The following RFX1 variants were observed in gnomAD, a reference collection of about 807,000 sequenced individuals.
RFX1 encodes MHC class II regulatory factor RFX1.
In RFX1, 42 loss-of-function variants were observed where a neutral mutation model predicts 119.6. That is an observed-to-expected ratio of 0.35 (90% CI 0.27 to 0.45). The LOEUF is 0.45. Among genes scored for constraint, RFX1 ranks in the 20% least tolerant of loss-of-function variants. The pLI is 1.00. For missense variants in RFX1, 1,118 were observed against 1,368.1 expected, an observed-to-expected ratio of 0.82 and a Z score of 2.88; for synonymous variants, 628 against 618.5, an observed-to-expected ratio of 1.02 and a Z score of -0.23.
Position 13,993,855 on chromosome 19 carries a change from G to A in RFX1, c.-12C>T, listed in dbSNP as rs781602326. The A allele has an allele frequency of 3.3e-6, 5 of 1,530,984 alleles. No homozygotes were observed. Among genetic ancestry groups the A allele is most frequent in the Non-Finnish European group, 3.5e-6 (4 of 1,145,536 alleles). The allele number at this position is 1,530,984 out of a possible 1,614,324, so 94.8% of individuals were successfully genotyped here. On this transcript the variant is annotated 5_prime_UTR_variant, in exon 2 of 21. Transcript: ENST00000254325. ...GCCTGTGTTGCCATGCCAACGGTGGGGAAAATGATAATAAATAAGGCTTTT... is the reference window on the plus strand; with the variant it reads ...GCCTGTGTTGCCATGCCAACGGTGGAGAAAATGATAATAAATAAGGCTTTT...
rs572209891 is a variant in RFX1 at position 13,991,853 on chromosome 19, G to A, written c.319+1672C>T. 2.0e-5 allele frequency among the ~76,000 whole-genome samples: 3 copies of A among 151,952 alleles called. No individual in the cohort carries two copies. The South Asian group carries it at 6.2e-4, about 32-fold the overall frequency. ...ATTTTTATATTTTTAGTATAGATGGGGTCTCACCATGTTGGCCAGGCTGGT... is the reference window on the plus strand; with the variant it reads ...ATTTTTATATTTTTAGTATAGATGGAGTCTCACCATGTTGGCCAGGCTGGT... On this transcript the variant is annotated intron_variant, in intron 2 of 20. Transcript: ENST00000254325.
intron 7 of RFX1, 75 bp from the exon 8 acceptor site, chr19:13,978,161 C>G: frequency 9.2e-7 from 1 of 1,092,496 alleles, no homozygotes; most frequent in Non-Finnish European, 1.4e-6. Context: ...AGGGCTGGTG[C>G]CCACCCAGGC....
intron 2 of RFX1, among the ~76,000 whole-genome samples, chr19:13,984,653 C>T (rs945475566): frequency 2.6e-5 from 4 of 152,222 alleles, no homozygotes; most frequent in Middle Eastern, 3.4e-3. Flanking sequence ...CTCCAGAGGC[C>T]GAGGTGGGGC....
chr19:13,961,663 T>G lies in RFX1; in HGVS notation c.*1032A>C, dbSNP rs1211874370. 1.3e-5 allele frequency: 2 copies of G among 152,726 alleles called. No homozygotes were observed. Among genetic ancestry groups the G allele is most frequent in the Non-Finnish European group, 2.9e-5 (2 of 68,398 alleles). The allele number at this position is 152,726 out of a possible 1,614,324, so 9.5% of individuals were successfully genotyped here. On this transcript the variant is annotated 3_prime_UTR_variant, in exon 21 of 21. Transcript: ENST00000254325. The stretch of plus-strand genomic sequence containing the variant: ...GAGGGAGCCCCGTGGGCACGGGGAC[T>G]GGGCAGGGCCGCCCCAAAAGCTATA...
Position 13,963,339 on chromosome 19 carries a change from C to T in RFX1, c.2571-64G>A, listed in dbSNP as rs1973779284. Reference sequence around the variant, plus strand: ...CCGGCCCGACCCCCTCTCCCCCTCCCCGCTGCGATGCGCCCGGGCCTCGCG... The same window carrying T: ...CCGGCCCGACCCCCTCTCCCCCTCCTCGCTGCGATGCGCCCGGGCCTCGCG... On this transcript the variant is annotated intron_variant, in intron 18 of 20. Transcript: ENST00000254325. 1.2e-5 allele frequency: 19 copies of T among 1,539,662 alleles called. No individual in the cohort carries two copies. The Admixed American group carries it at 3.7e-4, about 30-fold the overall frequency.
Position 13,962,611 on chromosome 19 carries a change from G to T in RFX1, c.*84C>A. On this transcript the variant is annotated 3_prime_UTR_variant, in exon 21 of 21. Transcript: ENST00000254325. ...CCTCCCTGCCCTGGCTGAGGCTGGA[G>T]CAGTGACCACGAAGCCACAGAAGCT... 1 of 1,170,808 alleles carries T rather than the reference G, an allele frequency of 8.5e-7. No individual in the cohort carries two copies. The highest frequency in any genetic ancestry group is 1.2e-6 in the Non-Finnish European group (1 of 861,238). 72.5% of individuals were successfully genotyped at this position (1,170,808 alleles called of 1,614,324 possible). A position where few individuals can be genotyped will look rare whatever the true frequency, so the allele number is the denominator to read the frequency against.
chr19:13,980,564 GC>G lies in RFX1; in HGVS notation c.738+8del. 6.5e-7 allele frequency: 1 copy of G among 1,544,662 alleles called. No individual in the cohort carries two copies. The highest frequency in any genetic ancestry group is 1.2e-5 in the South Asian group (1 of 85,594). On this transcript the variant is annotated splice_region_variant and intron_variant, in intron 6 of 20. Transcript: ENST00000254325. The surrounding 1 kb of genome is among the most constrained non-coding windows in gnomAD (Gnocchi z 5.1). ...CTGGACCGAGCCACTGCCCGCCTTGGCCTGGCACCTCTTGGGTGACGGGGAC... is the reference window on the plus strand; with the variant it reads ...CTGGACCGAGCCACTGCCCGCCTTGGCTGGCACCTCTTGGGTGACGGGGAC...
intron 1 of RFX1, among the ~76,000 whole-genome samples, chr19:13,998,692 G>C (rs988311669): frequency 2.0e-5 from 3 of 152,130 alleles, no homozygotes; most frequent in Non-Finnish European, 4.4e-5. Flanking sequence ...AGATTCCTGA[G>C]CTCTACTGCC....
rs186272636 is a variant in RFX1 at position 13,980,312 on chromosome 19, A to G, written c.738+261T>C. Among the ~76,000 whole-genome samples, 77 of 152,264 alleles carry G rather than the reference A, an allele frequency of 5.1e-4. 1 individual carries two copies. The highest frequency in any genetic ancestry group is 5.0e-3 in the Admixed American group (76 of 15,308). On this transcript the variant is annotated intron_variant, in intron 6 of 20. Coordinates refer to ENST00000254325, the MANE Select transcript of RFX1 (RefSeq NM_002918.5). The surrounding 1 kb of genome is among the most constrained non-coding windows in gnomAD (Gnocchi z 5.1). ...CCAAAGAGGCTCAGGTGGCTTCTCC[A>G]AGCGGTTCCCATGGCCCACTACGCC...
At chr19:13,967,797 G>A (rs970687876) in intron 12 of RFX1, among the ~76,000 whole-genome samples, 5 of 152,154 alleles carry the variant, frequency 3.3e-5, no homozygotes, top group Admixed American at 2.6e-4. Context: ...GAAACACTGG[G>A]TACACACCTG....
chr19:13,977,702 C>CCA (rs2145575967), intron 8 of RFX1, among the ~76,000 whole-genome samples: 1 of 151,994 alleles, frequency 6.6e-6, no homozygotes, highest in African/African-American at 2.4e-5. Context: ...CAGGCGTGAG[C>CCA]CACCGTGCCT....
chr19:13,969,726 G>A lies in RFX1; in HGVS notation c.1496+268C>T, dbSNP rs117785918. 2,336 of 423,826 alleles carry A rather than the reference G, an allele frequency of 5.5e-3. 16 individuals carry two copies. The highest frequency in any genetic ancestry group is 0.017 in the Middle Eastern group (28 of 1,616). 26.3% of individuals were successfully genotyped at this position (423,826 alleles called of 1,614,324 possible). ...AAGAGAAAAATAAAGCAGGGTTGGG[G>A]GGTGTCGGGCAGGGGAGAGGGGGAG... On this transcript the variant is annotated intron_variant, in intron 10 of 20. Coordinates refer to ENST00000254325, the MANE Select transcript of RFX1 (RefSeq NM_002918.5). This position sits in a 1 kb window ranked among gnomAD's most constrained non-coding sequence, Gnocchi z 4.5.
At chr19:13,981,105 G>C (rs1402198384) in intron 5 of RFX1, among the ~76,000 whole-genome samples, 1 of 152,220 alleles carries the variant, frequency 6.6e-6, no homozygotes, top group Admixed American at 6.5e-5. Flanking sequence ...CTTCCCAATG[G>C]AGGGGCAGAG....
Position 13,989,942 on chromosome 19 carries a change from C to T in RFX1, c.319+3583G>A, listed in dbSNP as rs546178991. ...GGAGTAGGACAGAAACAAGACTGAC[C>T]GTGGGCCTGGGAGGATGAGAAAGCC... On this transcript the variant is annotated intron_variant, in intron 2 of 20. Transcript: ENST00000254325. 4.5e-4 allele frequency among the ~76,000 whole-genome samples: 68 copies of T among 152,106 alleles called. 1 individual carries two copies. The South Asian group carries it at 0.014, about 32-fold the overall frequency.
At chr19:13,989,870 G>A (rs1465114925) in intron 2 of RFX1, among the ~76,000 whole-genome samples, 1 of 147,632 alleles carries the variant, frequency 6.8e-6, no homozygotes, top group Non-Finnish European at 1.5e-5. Context: ...GGCGGGGGGG[G>A]TTCTGGAAGA....
intron 7 of RFX1, among the ~76,000 whole-genome samples, chr19:13,979,239 G>A (rs897527776): frequency 2.0e-5 from 3 of 152,216 alleles, no homozygotes; most frequent in African/African-American, 7.2e-5. Flanking sequence ...CCAGGGCCAC[G>A]CAAGAAAGAA....
At chr19:13,999,720 G>A (rs554744747) in intron 1 of RFX1, among the ~76,000 whole-genome samples, 227 of 151,654 alleles carry the variant, frequency 1.5e-3, no homozygotes, top group Non-Finnish European at 2.8e-3. Flanking sequence ...TCGTTGCCCA[G>A]GCTGGAGTGC....
intron 16 of RFX1, among the ~76,000 whole-genome samples, chr19:13,964,403 A>T (rs56982537): frequency 0.016 from 2,351 of 146,016 alleles, 83 homozygotes; most frequent in African/African-American, 0.056. Context: ...TTTTTTTTTA[A>T]AAACGAAAGA....
intron 1 of RFX1, among the ~76,000 whole-genome samples, chr19:14,003,772 T>G (rs951626044): frequency 6.6e-6 from 1 of 152,234 alleles, no homozygotes; most frequent in African/African-American, 2.4e-5. Flanking sequence ...AAAAGCTGAC[T>G]GTTTCAAGTC....
Sources: allele counts gnomAD v4.1 joint callset (sites outside exome capture counted in the v4.1 genomes callset), GRCh38; gene constraint gnomAD v4.1.1; non-coding constraint Gnocchi (gnomAD v3.1); transcripts MANE v1.5; gene names NCBI Gene and HGNC (gene_info 2026-07-23, HGNC 2026-07-21).